DAB1: variants seen among roughly 807,000 people sequenced by gnomAD.
The protein encoded by DAB1 is disabled homolog 1.
A neutral mutation model predicts 64.6 loss-of-function variants in DAB1; 15 were observed. That is an observed-to-expected ratio of 0.23 (90% confidence interval 0.16 to 0.36). The LOEUF is 0.36. Among genes scored for constraint, DAB1 ranks in the 10% least tolerant of loss-of-function variants. The pLI, the probability that DAB1 is intolerant of heterozygous loss-of-function variation, is 1.00. For missense variants in DAB1, 596 were observed against 706.7 expected (o/e 0.84, Z 1.78); for synonymous variants, 235 against 251.9 (o/e 0.93, Z 0.64).
At chr1:57,465,696 C>A (rs1686933568) in intron 7 of DAB1, among the ~76,000 whole-genome samples, 1 of 152,056 alleles carries the variant, frequency 6.6e-6, no homozygotes, top group South Asian at 2.1e-4. Context: ...ATAATGAGGT[C>A]CAGTTGCCTC....
intron 2 of DAB1, among the ~76,000 whole-genome samples, chr1:57,179,229 G>A (rs111319800): frequency 4.3e-4 from 66 of 152,292 alleles, no homozygotes; most frequent in African/African-American, 1.6e-3. Context: ...CTTCCAGGCA[G>A]TGGTGCTCAA....
intron 4 of DAB1, among the ~76,000 whole-genome samples, chr1:58,163,226 A>G (rs1655639018): frequency 6.6e-6 from 1 of 152,190 alleles, no homozygotes; most frequent in Admixed American, 6.5e-5. Context: ...GAAGTTAAGA[A>G]CAAAAGGATA....
chr1:57,979,060 T>C (rs1372161412), intron 5 of DAB1, among the ~76,000 whole-genome samples: 1 of 152,190 alleles, frequency 6.6e-6, no homozygotes, highest in African/African-American at 2.4e-5. Context: ...ATCCCATTAC[T>C]GGGTATATAC....
At chr1:57,871,391 T>C (rs1281778879) in intron 1 of DAB1, among the ~76,000 whole-genome samples, 2 of 152,204 alleles carry the variant, frequency 1.3e-5, no homozygotes, top group Admixed American at 6.6e-5. Context: ...TACTACATTG[T>C]ACCCATTTTA....
At chr1:58,148,539 C>A (rs1209432765) in intron 5 of DAB1, among the ~76,000 whole-genome samples, 1 of 152,142 alleles carries the variant, frequency 6.6e-6, no homozygotes, top group Admixed American at 6.5e-5. Context: ...AGTCCATTCT[C>A]ATGCTGCTAA....
intron 4 of DAB1, among the ~76,000 whole-genome samples, chr1:58,331,324 G>A (rs1662963151): frequency 6.6e-6 from 1 of 152,196 alleles, no homozygotes; most frequent in Non-Finnish European, 1.5e-5. Context: ...GCTTCTTGTG[G>A]TTTCTTGAGA....
At chr1:58,170,466 C>G (rs535797372) in intron 4 of DAB1, among the ~76,000 whole-genome samples, 1 of 152,212 alleles carries the variant, frequency 6.6e-6, no homozygotes, top group African/African-American at 2.4e-5. Context: ...AAAGGCGAGC[C>G]CTGGGCCCTG....
intron 5 of DAB1, among the ~76,000 whole-genome samples, chr1:57,995,956 T>G (rs1345021862): frequency 4.6e-5 from 7 of 152,132 alleles, no homozygotes; most frequent in Non-Finnish European, 1.0e-4. Context: ...CCCTAGTTGC[T>G]TCATTTGGAA....
At chr1:58,155,018 T>C (rs1296848297) in intron 4 of DAB1, among the ~76,000 whole-genome samples, 4 of 152,002 alleles carry the variant, frequency 2.6e-5, no homozygotes, top group Non-Finnish European at 5.9e-5. Context: ...CAGGTGGTGG[T>C]GTTAAAATCA....
chr1:58,283,359 C>A (rs1319376508), intron 4 of DAB1, among the ~76,000 whole-genome samples: 4 of 152,160 alleles, frequency 2.6e-5, no homozygotes, highest in Non-Finnish European at 5.9e-5. Context: ...CTAGAAATGA[C>A]CCTTAAAATG....
chr1:58,185,280 T>C (rs993119498), intron 4 of DAB1, among the ~76,000 whole-genome samples: 2 of 152,144 alleles, frequency 1.3e-5, no homozygotes, highest in African/African-American at 4.8e-5. Flanking sequence ...GGGTTTATGG[T>C]CTCATTATCT....
intron 4 of DAB1, among the ~76,000 whole-genome samples, chr1:58,275,453 A>G (rs1324544015): frequency 6.6e-6 from 1 of 152,218 alleles, no homozygotes; most frequent in African/African-American, 2.4e-5. Context: ...TATTCAGAAT[A>G]TATAAAGAAC....
At chr1:57,078,809 G>A (rs72905233) in intron 4 of DAB1, among the ~76,000 whole-genome samples, 3,624 of 152,206 alleles carry the variant, frequency 0.024, 155 homozygotes, top group African/African-American at 0.082. Flanking sequence ...ATGTGCATAC[G>A]CCGGCTCTAT....
chr1:57,069,531 A>G (rs1299363996), intron 7 of DAB1, 106 bp from the exon 8 acceptor site: 2 of 878,494 alleles, frequency 2.3e-6, no homozygotes, highest in Non-Finnish European at 1.9e-6. Context: ...TTAACGAAGC[A>G]GGCACAAGAG....
intron 6 of DAB1, among the ~76,000 whole-genome samples, chr1:57,678,837 G>C (rs1369467236): frequency 6.8e-6 from 1 of 146,922 alleles, no homozygotes; most frequent in African/African-American, 2.6e-5. Context: ...AGAGATCTTG[G>C]CTCACTGCAA....
At chr1:58,355,909 G>A (rs549889326) in intron 3 of DAB1, among the ~76,000 whole-genome samples, 10 of 152,236 alleles carry the variant, frequency 6.6e-5, no homozygotes, top group Non-Finnish European at 1.5e-5. Context: ...CAGCACACCT[G>A]AAAAAAGCTA....
At chr1:58,037,050 G>A (rs1570259996) in intron 5 of DAB1, among the ~76,000 whole-genome samples, 1 of 152,230 alleles carries the variant, frequency 6.6e-6, no homozygotes, top group East Asian at 1.9e-4. Context: ...ATGCCTTTGT[G>A]TAGCTGTTGC....
intron 7 of DAB1, among the ~76,000 whole-genome samples, chr1:57,460,142 T>C (rs1686735076): frequency 6.6e-6 from 1 of 152,192 alleles, no homozygotes; most frequent in Non-Finnish European, 1.5e-5. Context: ...AACCATTAGT[T>C]GTGACACTTA....
chr1:57,609,720 A>G (rs1419148627), intron 7 of DAB1, among the ~76,000 whole-genome samples: 4 of 152,200 alleles, frequency 2.6e-5, no homozygotes, highest in African/African-American at 4.8e-5. Context: ...TAAATCTAAA[A>G]TGCTATTTTA....
Sources: allele counts gnomAD v4.1 joint callset (sites outside exome capture counted in the v4.1 genomes callset), GRCh38; gene constraint gnomAD v4.1.1; transcripts MANE v1.5; gene names NCBI Gene and HGNC (gene_info 2026-07-23, HGNC 2026-07-21).